The following AFF3 variants were observed in gnomAD, a reference collection of about 807,000 sequenced individuals.
AFF3 encodes the protein AF4/FMR2 family member 3.
Under a neutral mutation model 129.7 loss-of-function variants are expected in AFF3, and 32 were observed. The observed-to-expected ratio is 0.25, with a 90% CI of 0.19 to 0.33. The LOEUF (loss-of-function observed/expected upper bound fraction) is 0.33. Among genes scored for constraint, AFF3 ranks in the 10% least tolerant of loss-of-function variants. The pLI is 1.00. For synonymous variants in AFF3, 644 were observed against 635.4 expected, an observed-to-expected ratio of 1.01 and a Z score of -0.20; for missense variants, 1,373 against 1,592.0, an observed-to-expected ratio of 0.86 and a Z score of 2.34.
chr2:99,969,492 T>C (rs973259301), intron 7 of AFF3, among the ~76,000 whole-genome samples: 2 of 152,070 alleles, frequency 1.3e-5, no homozygotes, highest in African/African-American at 2.4e-5. Context: ...TATTTATTTA[T>C]TTATTTATTT....
intron 13 of AFF3, among the ~76,000 whole-genome samples, chr2:99,620,844 C>A (rs939317225): frequency 1.3e-5 from 2 of 152,088 alleles, no homozygotes; most frequent in Non-Finnish European, 2.9e-5. Context: ...TTTATAGGAG[C>A]CTGGTACCTC....
At chr2:99,651,422 C>T (rs1267877738) in intron 12 of AFF3, among the ~76,000 whole-genome samples, 1 of 151,844 alleles carries the variant, frequency 6.6e-6, no homozygotes, top group Non-Finnish European at 1.5e-5. Flanking sequence ...TTCCTCTTTG[C>T]ATGATACACA....
intron 7 of AFF3, among the ~76,000 whole-genome samples, chr2:99,941,522 C>T (rs2106343388): frequency 6.6e-6 from 1 of 152,336 alleles, no homozygotes. Context: ...TTCTTCATGA[C>T]TAACAGCCCC....
At chr2:99,770,096 G>A (rs914099406) in intron 8 of AFF3, among the ~76,000 whole-genome samples, 2 of 152,106 alleles carry the variant, frequency 1.3e-5, no homozygotes, top group African/African-American at 4.8e-5. Context: ...CCCCAGCTGG[G>A]TCCAGAGATG....
intron 8 of AFF3, among the ~76,000 whole-genome samples, chr2:99,808,341 A>G (rs1686517703): frequency 6.6e-6 from 1 of 152,192 alleles, no homozygotes; most frequent in Admixed American, 6.5e-5. Context: ...GGATCCCAGG[A>G]CCATCAATGA....
At chr2:99,884,301 C>A (rs934885728) in intron 7 of AFF3, among the ~76,000 whole-genome samples, 1 of 152,188 alleles carries the variant, frequency 6.6e-6, no homozygotes, top group Non-Finnish European at 1.5e-5. Context: ...CATCACCTCA[C>A]GTACTTTCGT....
intron 7 of AFF3, among the ~76,000 whole-genome samples, chr2:99,917,040 T>C (rs781634804): frequency 5.3e-5 from 8 of 152,148 alleles, no homozygotes; most frequent in Non-Finnish European, 8.8e-5. Flanking sequence ...ACTTCCCTCA[T>C]ACACTTGCTA....
intron 14 of AFF3, among the ~76,000 whole-genome samples, chr2:99,600,990 G>A (rs1017489308): frequency 6.6e-6 from 1 of 152,130 alleles, no homozygotes; most frequent in Non-Finnish European, 1.5e-5. Context: ...TCTGATCCGT[G>A]ACAAACCGCA....
intron 7 of AFF3, among the ~76,000 whole-genome samples, chr2:99,868,152 C>A (rs1329987823): frequency 6.6e-6 from 1 of 151,742 alleles, no homozygotes. Flanking sequence ...TTCTTTCCTT[C>A]AGAAGAAAAA....
chr2:99,874,180 A>G (rs1692104529), intron 7 of AFF3, among the ~76,000 whole-genome samples: 1 of 152,174 alleles, frequency 6.6e-6, no homozygotes. Context: ...CCGTCTCAAA[A>G]AAAACAAAAA....
intron 10 of AFF3, 52 bp downstream of exon 10, chr2:99,744,052 T>G: frequency 1.4e-6 from 2 of 1,429,308 alleles, no homozygotes; most frequent in Non-Finnish European, 2.0e-6. Context: ...TTCTGCCCTC[T>G]GCCCCCACCC....
chr2:99,605,579 C>T (rs750579530), intron 13 of AFF3, among the ~76,000 whole-genome samples: 21 of 152,274 alleles, frequency 1.4e-4, no homozygotes, highest in African/African-American at 4.8e-4. Flanking sequence ...CTTTACCCAT[C>T]GTGGGGCAGC....
intron 7 of AFF3, among the ~76,000 whole-genome samples, chr2:99,922,826 T>C (rs939414907): frequency 1.3e-5 from 2 of 152,162 alleles, no homozygotes; most frequent in Non-Finnish European, 2.9e-5. Context: ...GGGGCTAAAA[T>C]AAACCTCACG....
Position 99,550,457 on chromosome 2 carries a change from A to G in AFF3, c.*1017T>C, listed in dbSNP as rs1407361222. ...TGGTAAGCGAAGGATTCAGGCTCCTACTGAAGGGACAATCTAGGTAATGGC... is the reference window on the plus strand; with the variant it reads ...TGGTAAGCGAAGGATTCAGGCTCCTGCTGAAGGGACAATCTAGGTAATGGC... On this transcript the variant is annotated 3_prime_UTR_variant, in exon 25 of 25. Coordinates refer to ENST00000672756, the MANE Select transcript of AFF3 (RefSeq NM_001386135.1). 1.3e-5 allele frequency: 3 copies of G among 230,818 alleles called. No homozygotes were observed. The highest frequency in any genetic ancestry group is 4.4e-5 in the African/African-American group (2 of 45,244). 14.3% of individuals were successfully genotyped at this position (230,818 alleles called of 1,614,324 possible). A position where few individuals can be genotyped will look rare whatever the true frequency, so the allele number is the denominator to read the frequency against.
intron 7 of AFF3, among the ~76,000 whole-genome samples, chr2:99,947,518 A>G (rs1675690806): frequency 9.7e-6 from 1 of 103,580 alleles, no homozygotes. Context: ...AAAAAGAGAG[A>G]GAGAGAAAGA....
intron 7 of AFF3, among the ~76,000 whole-genome samples, chr2:99,917,604 T>C (rs573218048): frequency 2.0e-5 from 3 of 152,234 alleles, no homozygotes; most frequent in African/African-American, 7.2e-5. Flanking sequence ...CATCATATCA[T>C]AGAATGACAA....
intron 12 of AFF3, among the ~76,000 whole-genome samples, chr2:99,653,481 G>A (rs1474440526): frequency 2.0e-5 from 3 of 152,206 alleles, no homozygotes; most frequent in South Asian, 4.1e-4. Flanking sequence ...CGGAAACAGC[G>A]CTTGCTGATG....
chr2:100,100,460 C>G (rs577190495), intron 4 of AFF3, among the ~76,000 whole-genome samples: 3,742 of 151,794 alleles, frequency 0.025, 76 homozygotes, highest in African/African-American at 0.085. Flanking sequence ...CCACCCACAC[C>G]ATCTGTCTTC....
At chr2:100,051,564 T>C (rs1686339180) in intron 4 of AFF3, among the ~76,000 whole-genome samples, 1 of 152,130 alleles carries the variant, frequency 6.6e-6, no homozygotes, top group Admixed American at 6.5e-5. Context: ...ATCTTGCTAG[T>C]CCCCTTTCCC....
Sources: allele counts gnomAD v4.1 joint callset (sites outside exome capture counted in the v4.1 genomes callset), GRCh38; gene constraint gnomAD v4.1.1; transcripts MANE v1.5; gene names NCBI Gene and HGNC (gene_info 2026-07-23, HGNC 2026-07-21).